SLC17A5: variants seen among roughly 807,000 people sequenced by gnomAD.
SLC17A5 encodes solute carrier family 17 member 5, also known as sialin.
Under a neutral mutation model 59.4 loss-of-function variants are expected in SLC17A5, and 47 were observed. That is an observed-to-expected ratio of 0.79 (90% CI 0.63 to 1.01). SLC17A5 has a LOEUF of 1.01. SLC17A5 is among the 50% of genes least tolerant of loss of function. The pLI, the probability that SLC17A5 is intolerant of heterozygous loss-of-function variation, is 0.00. For synonymous variants in SLC17A5, 202 were observed against 210.7 expected (o/e 0.96, Z 0.36); for missense variants, 522 against 595.5 (o/e 0.88, Z 1.28).
chr6:73,650,098 C>T (rs1263188858), intron 1 of SLC17A5, among the ~76,000 whole-genome samples: 4 of 151,596 alleles, frequency 2.6e-5, no homozygotes, highest in African/African-American at 7.3e-5. Flanking sequence ...CTGTGGCTCA[C>T]GCCTGTAATC....
intron 6 of SLC17A5, 33 bp from the exon 7 acceptor site, chr6:73,621,995 C>T (rs774276854): frequency 9.0e-5 from 144 of 1,605,132 alleles, no homozygotes; most frequent in Non-Finnish European, 1.1e-4. Flanking sequence ...GGATAAACTA[C>T]GGCTATGTTA....
intron 2 of SLC17A5, among the ~76,000 whole-genome samples, chr6:73,644,135 G>C (rs1362659071): frequency 1.3e-5 from 2 of 152,110 alleles, no homozygotes; most frequent in Non-Finnish European, 2.9e-5. Flanking sequence ...ATATAAAACA[G>C]GTTTTTCCAA....
intron 6 of SLC17A5, among the ~76,000 whole-genome samples, chr6:73,627,221 C>T (rs572029903): frequency 2.6e-4 from 39 of 152,084 alleles, no homozygotes; most frequent in Admixed American, 5.2e-4. Context: ...GGACTACAGG[C>T]GCGTGCCACT....
chr6:73,638,265 G>T, intron 4 of SLC17A5, 147 bp downstream of exon 4: 1 of 653,830 alleles, frequency 1.5e-6, no homozygotes, highest in Non-Finnish European at 2.7e-6. Flanking sequence ...AGAAAAATTG[G>T]TAATAAAGTT....
intron 5 of SLC17A5, among the ~76,000 whole-genome samples, chr6:73,636,162 A>C (rs988811016): frequency 6.6e-6 from 1 of 152,196 alleles, no homozygotes; most frequent in Non-Finnish European, 1.5e-5. Context: ...GTTGAGTTTT[A>C]AATTTTGATT....
At chr6:73,609,325 T>C (rs1193187978) in intron 9 of SLC17A5, among the ~76,000 whole-genome samples, 5 of 152,174 alleles carry the variant, frequency 3.3e-5, no homozygotes, top group African/African-American at 4.8e-5. Flanking sequence ...GTAAAAATTT[T>C]AGGTTCAAGT....
In SLC17A5 at chr6:73,641,688, T is replaced by C. The variant is rs768885202; in HGVS notation, c.525+3A>G. 2 of 1,586,016 alleles carry C rather than the reference T, an allele frequency of 1.3e-6. No individual in the cohort carries two copies. Among genetic ancestry groups the C allele is most frequent in the East Asian group, 4.5e-5 (2 of 44,580 alleles). ...AGTAAAACAAGAGAGAAAAGAAAAT[T>C]ACCTCTCCTAGTCCTTCTAGTGCTC... is the stretch of plus-strand genomic sequence containing the variant. On this transcript the variant is annotated splice_donor_region_variant and intron_variant, in intron 3 of 10. Coordinates refer to ENST00000355773, the MANE Select transcript of SLC17A5 (RefSeq NM_012434.5).
chr6:73,629,994 C>T (rs1216704519), intron 6 of SLC17A5, among the ~76,000 whole-genome samples: 1 of 142,828 alleles, frequency 7.0e-6, no homozygotes, highest in Non-Finnish European at 1.5e-5. Context: ...TTTTATTTCT[C>T]TATTTTTTTT....
At chr6:73,600,779 G>A (rs915420673) in intron 9 of SLC17A5, among the ~76,000 whole-genome samples, 12 of 152,168 alleles carry the variant, frequency 7.9e-5, no homozygotes, top group African/African-American at 2.9e-4. Context: ...GGGATTTCAA[G>A]TATGAGCCAC....
At position 73,594,988 on chromosome 6, in the gene SLC17A5, A is replaced by T; in HGVS notation, c.*89T>A. The stretch of plus-strand genomic sequence containing the variant: ...AATACAAGTACAATTAAAAAAAGAC[A>T]TAGAATGCTTACACAATACAGAAGG... On this transcript the variant is annotated 3_prime_UTR_variant, in exon 11 of 11. Coordinates refer to ENST00000355773, the MANE Select transcript of SLC17A5 (RefSeq NM_012434.5). The T allele has an allele frequency of 7.2e-7, 1 of 1,395,212 alleles. No individual in the cohort carries two copies. The highest frequency in any genetic ancestry group is 1.0e-6 in the Non-Finnish European group (1 of 984,888). 86.4% of individuals were successfully genotyped at this position (1,395,212 alleles called of 1,614,324 possible).
intron 7 of SLC17A5, among the ~76,000 whole-genome samples, chr6:73,619,367 T>TTC (rs1374273706): frequency 7.7e-5 from 11 of 143,500 alleles, no homozygotes; most frequent in African/African-American, 2.1e-4. Flanking sequence ...CATGCCACGC[T>TTC]TCTCAAAGCA....
At chr6:73,599,937 C>T (rs1007816005) in intron 10 of SLC17A5, among the ~76,000 whole-genome samples, 32 of 152,082 alleles carry the variant, frequency 2.1e-4, no homozygotes, top group Non-Finnish European at 4.1e-4. Flanking sequence ...GCTGGGACTA[C>T]AGGCACCTGC....
intron 3 of SLC17A5, among the ~76,000 whole-genome samples, chr6:73,639,753 A>G (rs1422631186): frequency 2.6e-5 from 4 of 152,184 alleles, no homozygotes; most frequent in Non-Finnish European, 5.9e-5. Context: ...CTTAAATTCT[A>G]TTTAGTTGTT....
At chr6:73,634,291 T>C (rs1768900741) in intron 6 of SLC17A5, among the ~76,000 whole-genome samples, 1 of 152,222 alleles carries the variant, frequency 6.6e-6, no homozygotes. Context: ...TCATTTAAAA[T>C]ATAGATACAG....
At chr6:73,616,758 G>A (rs1767890841) in intron 7 of SLC17A5, among the ~76,000 whole-genome samples, 1 of 151,988 alleles carries the variant, frequency 6.6e-6, no homozygotes, top group South Asian at 2.1e-4. Flanking sequence ...GCAGGCGTGT[G>A]TCACCACGCC....
At position 73,644,513 on chromosome 6, in the gene SLC17A5, A is replaced by C; in HGVS notation, c.185T>G (p.Val62Gly). 2.5e-6 allele frequency: 4 copies of C among 1,614,060 alleles called. No homozygotes were observed. Among genetic ancestry groups the C allele is most frequent in the Non-Finnish European group, 3.4e-6 (4 of 1,179,928 alleles). The change falls in exon 2 of 11, where the codon GTT becomes GGT. Residue 62 changes from valine (V) to glycine (G), a missense_variant. By Grantham distance (109) the Val-to-Gly change is moderately radical. Coordinates refer to ENST00000355773, the MANE Select transcript of SLC17A5 (RefSeq NM_012434.5). ...IVYALRVNLS[V>G]ALVDMVDSNT... is the part of the protein sequence containing the mutation. ...TGAATCTACCATATCCACTAACGCA[A>C]CACTCAGATTCACACGTAATGCATA...
At chr6:73,609,665 G>A (rs1435736719) in intron 9 of SLC17A5, among the ~76,000 whole-genome samples, 3 of 152,198 alleles carry the variant, frequency 2.0e-5, no homozygotes, top group Non-Finnish European at 4.4e-5. Flanking sequence ...TAGTCTAGTT[G>A]GGTGAACAGA....
chr6:73,603,420 CTTTT>C (rs61490134), intron 9 of SLC17A5, among the ~76,000 whole-genome samples: 12 of 133,984 alleles, frequency 9.0e-5, no homozygotes, highest in African/African-American at 1.1e-4. Context: ...ATTGCTGCCT[CTTTT>C]TTTTTTTTTT....
At chr6:73,647,295 T>C (rs1053899149) in intron 1 of SLC17A5, among the ~76,000 whole-genome samples, 3 of 152,180 alleles carry the variant, frequency 2.0e-5, no homozygotes, top group African/African-American at 7.2e-5. Flanking sequence ...GAATGTACAG[T>C]CAGGGAGATC....
Sources: gnomAD v4.1 joint callset for allele counts (sites outside exome capture counted in the v4.1 genomes callset) on GRCh38, gnomAD v4.1.1 for gene constraint, MANE v1.5 for transcripts, NCBI Gene and HGNC (gene_info 2026-07-23, HGNC 2026-07-21) for gene names.